Variants in DPF3 observed in about 807,000 individuals in gnomAD.
DPF3 encodes zinc finger protein DPF3.
In DPF3, 18 loss-of-function variants were observed where a neutral mutation model predicts 56.8. The ratio of observed to expected loss-of-function variants is 0.32; its 90% CI spans 0.22 to 0.47. The LOEUF (loss-of-function observed/expected upper bound fraction) is 0.47. Among genes scored for constraint, DPF3 ranks in the 20% least tolerant of loss-of-function variants. The probability of loss-of-function intolerance (pLI) is 1.00; values close to 1 mark genes in which losing one functional copy is unlikely to be tolerated. For missense variants in DPF3, 403 were observed against 488.8 expected (o/e 0.82, Z 1.65); for synonymous variants, 188 against 180.2 (o/e 1.04, Z -0.35).
rs189971634 is a variant in DPF3, at chr14:72,862,415, A to T, written c.32+31642T>A. Reference sequence around the variant, plus strand: ...GTTGTCACATCCTACTTTCAATTCCATCTTAATCCCATCATCTCTACCTTC... The same window carrying T: ...GTTGTCACATCCTACTTTCAATTCCTTCTTAATCCCATCATCTCTACCTTC... On this transcript the variant is annotated intron_variant, in intron 1 of 10. Transcript: ENST00000556509. 2.5e-3 allele frequency among the ~76,000 whole-genome samples: 382 copies of T among 152,144 alleles called. 10 individuals are homozygous for T. The highest frequency in any genetic ancestry group is 0.022 in the Admixed American group (342 of 15,264).
chr14:72,720,097 C>A (rs1889103837), intron 5 of DPF3, among the ~76,000 whole-genome samples: 2 of 151,980 alleles, frequency 1.3e-5, no homozygotes, highest in Non-Finnish European at 2.9e-5. Context: ...CCAGAGACCA[C>A]ACACAGAGGT....
intron 1 of DPF3, among the ~76,000 whole-genome samples, chr14:72,825,475 G>A (rs1367704224): frequency 2.0e-5 from 3 of 152,230 alleles, no homozygotes; most frequent in Non-Finnish European, 4.4e-5. Context: ...CACTCAAATT[G>A]TTTCATCAAC....
chr14:72,864,739 A>G (rs1441031924), intron 1 of DPF3, among the ~76,000 whole-genome samples: 2 of 152,338 alleles, frequency 1.3e-5, no homozygotes, highest in Middle Eastern at 3.4e-3. Flanking sequence ...GGAGCCATCA[A>G]AAGTATAAAG....
chr14:72,651,831 G>C (rs934355379), intron 8 of DPF3, among the ~76,000 whole-genome samples: 12 of 152,106 alleles, frequency 7.9e-5, no homozygotes, highest in African/African-American at 2.9e-4. Context: ...TGCCCAGCAT[G>C]GGGCAGGCTG....
At chr14:72,885,367 T>G (rs948576994) in intron 1 of DPF3, among the ~76,000 whole-genome samples, 7 of 104,980 alleles carry the variant, frequency 6.7e-5, no homozygotes, top group Non-Finnish European at 1.4e-4. Flanking sequence ...GCTAATTTTT[T>G]GGGTTTGTTT....
chr14:72,770,253 C>T (rs574403008), intron 2 of DPF3, among the ~76,000 whole-genome samples: 53 of 152,314 alleles, frequency 3.5e-4, no homozygotes, highest in African/African-American at 1.0e-3. Flanking sequence ...ACCATGGGAA[C>T]GCAACCAAAT....
At chr14:72,774,989 G>A (rs1228350911) in intron 1 of DPF3, among the ~76,000 whole-genome samples, 1 of 152,166 alleles carries the variant, frequency 6.6e-6, no homozygotes, top group African/African-American at 2.4e-5. Flanking sequence ...AGGCAGCTTG[G>A]CCCAGACAAG....
intron 1 of DPF3, among the ~76,000 whole-genome samples, chr14:72,885,887 A>G (rs536268201): frequency 7.2e-4 from 109 of 152,372 alleles, no homozygotes; most frequent in Admixed American, 2.4e-3. Flanking sequence ...TGACTATGCT[A>G]CAACATGGAT....
At chr14:72,638,819 A>ATTT (rs71109742) in intron 8 of DPF3, among the ~76,000 whole-genome samples, 12,533 of 141,654 alleles carry the variant, frequency 0.088, 757 homozygotes, top group Middle Eastern at 0.22. Context: ...TTTGTTTTAC[A>ATTT]TTTTTTTTTT....
At chr14:72,753,216 T>C in intron 3 of DPF3, 48 bp downstream of exon 3, 1 of 1,578,794 alleles carries the variant, frequency 6.3e-7, no homozygotes, top group Non-Finnish European at 8.7e-7. Flanking sequence ...AGCCCAGTCC[T>C]CCCACCTTTC....
chr14:72,756,427 A>G (rs747912964), intron 2 of DPF3, among the ~76,000 whole-genome samples: 4 of 152,208 alleles, frequency 2.6e-5, no homozygotes, highest in Admixed American at 6.5e-5. Flanking sequence ...ACATTGCACA[A>G]GTTCAGCAGG....
At chr14:72,702,745 C>CCCAGGAGGTACTT (rs1888227691) in intron 6 of DPF3, among the ~76,000 whole-genome samples, 1 of 152,152 alleles carries the variant, frequency 6.6e-6, no homozygotes, top group South Asian at 2.1e-4. Flanking sequence ...CGGGATAAAG[C>CCCAGGAGGTACTT]CCAGGAGGTA....
intron 5 of DPF3, among the ~76,000 whole-genome samples, chr14:72,715,559 G>C (rs183761860): frequency 3.4e-4 from 52 of 152,118 alleles, no homozygotes; most frequent in Admixed American, 1.4e-3. Flanking sequence ...GCAGCCCCTG[G>C]GGCCTGGCTT....
intron 7 of DPF3, among the ~76,000 whole-genome samples, chr14:72,692,251 C>G (rs1030024227): frequency 2.0e-5 from 3 of 152,194 alleles, no homozygotes; most frequent in Non-Finnish European, 4.4e-5. Context: ...GGCCTGTCCA[C>G]GAATATTCTT....
intron 8 of DPF3, among the ~76,000 whole-genome samples, chr14:72,649,925 G>A (rs116160564): frequency 0.027 from 4,084 of 152,224 alleles, 105 homozygotes; most frequent in African/African-American, 0.065. Flanking sequence ...CCACTACACC[G>A]CTCGGCCACA....
chr14:72,739,490 C>T (rs951742089), intron 3 of DPF3, among the ~76,000 whole-genome samples: 1 of 152,226 alleles, frequency 6.6e-6, no homozygotes, highest in East Asian at 1.9e-4. Flanking sequence ...CCACCTCCTA[C>T]AGTTTCCCTC....
At chr14:72,643,869 C>A (rs981853762) in intron 8 of DPF3, among the ~76,000 whole-genome samples, 1 of 152,202 alleles carries the variant, frequency 6.6e-6, no homozygotes, top group Admixed American at 6.5e-5. Context: ...CAGGAAGGAT[C>A]CCCTTTTTGT....
At chr14:72,712,569 G>A (rs1164112507) in intron 6 of DPF3, among the ~76,000 whole-genome samples, 1 of 152,222 alleles carries the variant, frequency 6.6e-6, no homozygotes, top group Admixed American at 6.5e-5. Context: ...CGAAGATAAA[G>A]CATTTTAAAA....
intron 3 of DPF3, among the ~76,000 whole-genome samples, chr14:72,742,026 T>G (rs1286596977): frequency 6.6e-6 from 1 of 152,202 alleles, no homozygotes; most frequent in Non-Finnish European, 1.5e-5. Flanking sequence ...TCACACAGAC[T>G]TCGTCCCCCA....
Sources: allele counts gnomAD v4.1 joint callset (sites outside exome capture counted in the v4.1 genomes callset), GRCh38; gene constraint gnomAD v4.1.1; transcripts MANE v1.5; gene names NCBI Gene and HGNC (gene_info 2026-07-23, HGNC 2026-07-21).